The following PCDHA2 variants were observed in gnomAD, a reference collection of about 807,000 sequenced individuals.
PCDHA2 encodes the protein protocadherin alpha-2.
Under a neutral mutation model 66.0 loss-of-function variants are expected in PCDHA2, and 58 were observed. The ratio of observed to expected loss-of-function variants is 0.88; its 90% confidence interval spans 0.71 to 1.09. The LOEUF is 1.09. Among genes scored for constraint, PCDHA2 ranks in the 50% least tolerant of loss-of-function variants. The pLI, the probability that PCDHA2 is intolerant of heterozygous loss-of-function variation, is 0.00. For synonymous variants in PCDHA2, 634 were observed against 554.0 expected, an observed-to-expected ratio of 1.14 and a Z score of -2.03; for missense variants, 1,267 against 1,242.3, an observed-to-expected ratio of 1.02 and a Z score of -0.30.
At chr5:140,898,899 C>A (rs1457821018) in intron 1 of PCDHA2, among the ~76,000 whole-genome samples, 2 of 152,072 alleles carry the variant, frequency 1.3e-5, no homozygotes, top group Non-Finnish European at 2.9e-5. Context: ...TTGAAGAGGT[C>A]CTTCACGTCC....
rs1344675374 is a variant in PCDHA2 at position 140,952,992 on chromosome 5, ACT to A, written c.2389-25951_2389-25950del. Among the ~76,000 whole-genome samples, 6 of 151,892 alleles carry A rather than the reference ACT, an allele frequency of 4.0e-5. No individual in the cohort carries two copies. In the East Asian group the frequency reaches 7.7e-4, roughly 20 times the overall value. On this transcript the variant is annotated intron_variant, in intron 1 of 3. Transcript: ENST00000526136. ...TTTTAAACAACAAGATCTCATGAGAACTCTCTCACTATTATGAGAACAACATT... is the reference window on the plus strand; with the variant it reads ...TTTTAAACAACAAGATCTCATGAGAACTCTCACTATTATGAGAACAACATT...
chr5:140,801,631 C>A (rs782739143), intron 1 of PCDHA2: 1 of 1,614,146 alleles, frequency 6.2e-7, no homozygotes, highest in African/African-American at 1.3e-5. Context: ...ATTTCCGAAT[C>A]CCGACAGCCT....
chr5:140,836,528 G>A, intron 1 of PCDHA2: 2 of 1,613,816 alleles, frequency 1.2e-6, no homozygotes, highest in Non-Finnish European at 8.5e-7. Context: ...TGCTTACCCT[G>A]CTGCTGTACA....
At position 140,796,134 on chromosome 5, in the gene PCDHA2, G is replaced by T; in HGVS notation, c.1170G>T (p.Thr390=). 1.2e-6 allele frequency: 2 copies of T among 1,614,140 alleles called. No individual in the cohort carries two copies. Among genetic ancestry groups the T allele is most frequent in the African/African-American group, 1.3e-5 (1 of 75,026 alleles). Residue 390 remains threonine (T), a synonymous_variant, in exon 1 of 4, where the codon ACG becomes ACT. Transcript: ENST00000526136. ...GTNGHVTCSL[T]PHVPFKLVST... Reference sequence around the variant, plus strand: ...ATGGACATGTCACCTGCTCCCTGACGCCCCACGTCCCTTTCAAGCTGGTGT... The same window carrying T: ...ATGGACATGTCACCTGCTCCCTGACTCCCCACGTCCCTTTCAAGCTGGTGT...
intron 3 of PCDHA2, 85 bp from the exon 4 acceptor site, chr5:141,009,542 T>C: frequency 6.5e-7 from 1 of 1,530,742 alleles, no homozygotes; most frequent in Admixed American, 2.1e-5. Context: ...AGCCTGCCTA[T>C]GCAGTACTCC....
At chr5:140,837,793 C>T (rs1775259985) in intron 1 of PCDHA2, among the ~76,000 whole-genome samples, 1 of 151,820 alleles carries the variant, frequency 6.6e-6, no homozygotes, top group Admixed American at 6.6e-5. Flanking sequence ...CCTCCCATCT[C>T]AGCCTCTGGA....
At chr5:140,843,774 A>T in intron 1 of PCDHA2, 1 of 1,457,980 alleles carries the variant, frequency 6.9e-7, no homozygotes. Context: ...TAGTTACTTT[A>T]AAAGTGTTTC....
intron 1 of PCDHA2, chr5:140,828,067 G>T (rs2150150517): frequency 6.4e-7 from 1 of 1,560,564 alleles, no homozygotes; most frequent in Admixed American, 2.0e-5. Flanking sequence ...ATCTTCTAAT[G>T]GAAATAAAAC....
intron 1 of PCDHA2, among the ~76,000 whole-genome samples, chr5:140,879,972 C>T (rs1005756157): frequency 6.6e-6 from 1 of 152,176 alleles, no homozygotes; most frequent in Non-Finnish European, 1.5e-5. Context: ...AGGATAAACT[C>T]CTTTCAAGAT....
chr5:141,002,673 C>T (rs2098090242), intron 3 of PCDHA2, among the ~76,000 whole-genome samples: 3 of 152,180 alleles, frequency 2.0e-5, no homozygotes, highest in Admixed American at 2.0e-4. Context: ...GGACCAAAAC[C>T]TATACGACGT....
intron 1 of PCDHA2, chr5:140,928,615 A>T: frequency 6.2e-7 from 1 of 1,614,276 alleles, no homozygotes. Flanking sequence ...CCGCTCTGCC[A>T]GGACTGGACA....
intron 1 of PCDHA2, among the ~76,000 whole-genome samples, chr5:140,846,211 C>T (rs1393164051): frequency 6.7e-6 from 1 of 149,252 alleles, no homozygotes; most frequent in Non-Finnish European, 1.5e-5. Flanking sequence ...GAGATCTTTC[C>T]ATTAATAGTA....
intron 1 of PCDHA2, among the ~76,000 whole-genome samples, chr5:140,974,548 G>A (rs2096631054): frequency 6.6e-6 from 1 of 152,068 alleles, no homozygotes; most frequent in South Asian, 2.1e-4. Context: ...TTTTGCTCTT[G>A]TTGCCCAGGC....
chr5:141,001,381 A>G (rs1213919091), intron 3 of PCDHA2, among the ~76,000 whole-genome samples: 1 of 152,218 alleles, frequency 6.6e-6, no homozygotes, highest in Non-Finnish European at 1.5e-5. Context: ...TACAGAGCCT[A>G]AGATCCTACA....
chr5:140,835,624 AC>A (rs2150239679), intron 1 of PCDHA2: 1 of 1,613,722 alleles, frequency 6.2e-7, no homozygotes, highest in Admixed American at 1.7e-5. Flanking sequence ...AGCGCTCTGG[AC>A]CGCGAGAGTG....
chr5:140,822,668 C>T (rs2150118431), intron 1 of PCDHA2: 1 of 1,607,766 alleles, frequency 6.2e-7, no homozygotes, highest in Non-Finnish European at 8.5e-7. Context: ...AATTCTAATA[C>T]TGGTGAAATA....
intron 1 of PCDHA2, chr5:140,812,885 G>T (rs1765193374): frequency 2.6e-5 from 4 of 152,092 alleles, no homozygotes; most frequent in Admixed American, 2.6e-4. Flanking sequence ...TCATTCAAAT[G>T]AAATTTTGAA....
chr5:140,957,104 C>T (rs2095333785), intron 1 of PCDHA2, among the ~76,000 whole-genome samples: 1 of 152,104 alleles, frequency 6.6e-6, no homozygotes, highest in Non-Finnish European at 1.5e-5. Context: ...TTGCTATGGA[C>T]ATGATTCTGT....
chr5:140,871,594 A>G (rs1278020366), intron 1 of PCDHA2: 2 of 1,456,310 alleles, frequency 1.4e-6, no homozygotes, highest in Non-Finnish European at 1.8e-6. Context: ...TTTATGAATA[A>G]CCAGTGTTTT....
Sources: allele counts gnomAD v4.1 joint callset (sites outside exome capture counted in the v4.1 genomes callset), GRCh38; gene constraint gnomAD v4.1.1; transcripts MANE v1.5; gene names NCBI Gene and HGNC (gene_info 2026-07-23, HGNC 2026-07-21).